CACNA2D3: variants seen among roughly 807,000 people sequenced by gnomAD.
CACNA2D3 encodes the protein calcium voltage-gated channel auxiliary subunit alpha2delta 3, also known as voltage-dependent calcium channel subunit alpha-2/delta-3.
CACNA2D3 carries 60 observed loss-of-function variants against 160.6 expected under a neutral mutation model. That is an observed-to-expected ratio of 0.37 (90% CI 0.30 to 0.46). The LOEUF (loss-of-function observed/expected upper bound fraction) is 0.46, where lower values mean the gene tolerates loss of function less well. Ranked by LOEUF, CACNA2D3 falls within the 20% of genes least tolerant of loss-of-function variation. The probability of loss-of-function intolerance (pLI) is 1.00; values close to 1 mark genes in which losing one functional copy is unlikely to be tolerated. For synonymous variants in CACNA2D3, 558 were observed against 492.9 expected, an observed-to-expected ratio of 1.13 and a Z score of -1.75; for missense variants, 1,205 against 1,365.0, an observed-to-expected ratio of 0.88 and a Z score of 1.85.
chr3:54,682,352 C>T (rs753167263), intron 11 of CACNA2D3, among the ~76,000 whole-genome samples: 32 of 152,190 alleles, frequency 2.1e-4, no homozygotes, highest in Middle Eastern at 3.4e-3. Flanking sequence ...TTAGCCCGGG[C>T]GTGGTGGCTC....
At chr3:55,050,316 C>T (rs1704170949) in intron 35 of CACNA2D3, among the ~76,000 whole-genome samples, 1 of 151,920 alleles carries the variant, frequency 6.6e-6, no homozygotes, top group Admixed American at 6.5e-5. Context: ...CAGAATCTCT[C>T]AGCATTTGCT....
At chr3:54,450,395 A>G (rs1194045192) in intron 4 of CACNA2D3, among the ~76,000 whole-genome samples, 2 of 152,086 alleles carry the variant, frequency 1.3e-5, no homozygotes, top group African/African-American at 2.4e-5. Context: ...CCATTCCAGC[A>G]TCGACTCTTA....
intron 4 of CACNA2D3, among the ~76,000 whole-genome samples, chr3:54,493,947 A>G (rs1226168289): frequency 6.6e-6 from 1 of 152,216 alleles, no homozygotes; most frequent in African/African-American, 2.4e-5. Context: ...CCCCTGCCCT[A>G]TTGAATAACT....
intron 2 of CACNA2D3, among the ~76,000 whole-genome samples, chr3:54,302,500 G>C (rs757143806): frequency 1.3e-5 from 2 of 152,166 alleles, no homozygotes; most frequent in Non-Finnish European, 2.9e-5. Flanking sequence ...AGAGCGCTTG[G>C]TGGATCCTCT....
At chr3:54,618,352 C>CACATAT (rs1553752928) in intron 9 of CACNA2D3, among the ~76,000 whole-genome samples, 2 of 119,890 alleles carry the variant, frequency 1.7e-5, no homozygotes, top group African/African-American at 6.4e-5. Context: ...TTGATACATA[C>CACATAT]ATATATATAT....
intron 3 of CACNA2D3, among the ~76,000 whole-genome samples, chr3:54,337,436 G>C (rs1704410531): frequency 6.6e-6 from 1 of 152,164 alleles, no homozygotes; most frequent in Non-Finnish European, 1.5e-5. Context: ...TGACATTGCT[G>C]CACAGCCTTC....
intron 5 of CACNA2D3, among the ~76,000 whole-genome samples, chr3:54,534,979 C>A (rs1701865346): frequency 6.6e-6 from 1 of 152,128 alleles, no homozygotes; most frequent in African/African-American, 2.4e-5. Context: ...TCCGTCATTC[C>A]CAATTCTTCT....
chr3:54,202,565 G>A (rs1005702003), intron 2 of CACNA2D3, among the ~76,000 whole-genome samples: 2 of 152,144 alleles, frequency 1.3e-5, no homozygotes, highest in African/African-American at 4.8e-5. Flanking sequence ...AGTGCTTGTG[G>A]TCTATTTACT....
At chr3:54,543,589 G>T (rs1702016755) in intron 5 of CACNA2D3, among the ~76,000 whole-genome samples, 1 of 152,146 alleles carries the variant, frequency 6.6e-6, no homozygotes, top group African/African-American at 2.4e-5. Context: ...CTCCTGCCAT[G>T]TCGCGGCTGA....
intron 11 of CACNA2D3, among the ~76,000 whole-genome samples, chr3:54,731,417 A>T (rs922218268): frequency 6.6e-6 from 1 of 151,974 alleles, no homozygotes; most frequent in Non-Finnish European, 1.5e-5. Context: ...TAAAGACTCT[A>T]TGTACCCCAA....
intron 13 of CACNA2D3, among the ~76,000 whole-genome samples, chr3:54,791,035 T>A (rs920190854): frequency 3.0e-5 from 2 of 66,770 alleles, no homozygotes; most frequent in African/African-American, 1.7e-4. Context: ...TGGCACCTTC[T>A]TTGTATTTTT....
chr3:54,736,121 A>ATATATATATG (rs1559563815), intron 11 of CACNA2D3, among the ~76,000 whole-genome samples: 1 of 46,068 alleles, frequency 2.2e-5, no homozygotes, highest in African/African-American at 1.5e-4. Context: ...ATATATATAC[A>ATATATATATG]TATATATATG....
chr3:54,408,315 A>G (rs1482640304), intron 4 of CACNA2D3, among the ~76,000 whole-genome samples: 1 of 152,158 alleles, frequency 6.6e-6, no homozygotes, highest in African/African-American at 2.4e-5. Flanking sequence ...CAGAGAACAC[A>G]TAATATCGTA....
chr3:54,285,258 A>G (rs1702984345), intron 2 of CACNA2D3, among the ~76,000 whole-genome samples: 1 of 152,172 alleles, frequency 6.6e-6, no homozygotes, highest in African/African-American at 2.4e-5. Context: ...AACGGGCTTA[A>G]AAAACGGCAC....
chr3:55,033,838 T>TA (rs1234472446), intron 35 of CACNA2D3, among the ~76,000 whole-genome samples: 2 of 116,544 alleles, frequency 1.7e-5, no homozygotes, highest in African/African-American at 7.0e-5. Flanking sequence ...TAATATATAA[T>TA]ATATATTACA....
chr3:54,407,625 T>C (rs910199657), intron 4 of CACNA2D3, among the ~76,000 whole-genome samples: 6 of 152,218 alleles, frequency 3.9e-5, no homozygotes, highest in Admixed American at 3.9e-4. Context: ...CACTATCATT[T>C]CATTTGAGTA....
At chr3:54,220,816 A>G (rs1701553830) in intron 2 of CACNA2D3, among the ~76,000 whole-genome samples, 1 of 152,134 alleles carries the variant, frequency 6.6e-6, no homozygotes, top group Non-Finnish European at 1.5e-5. Flanking sequence ...CTGCTCAGCT[A>G]TGCTGCTGAG....
At chr3:54,485,825 A>G (rs1407720526) in intron 4 of CACNA2D3, among the ~76,000 whole-genome samples, 17 of 152,206 alleles carry the variant, frequency 1.1e-4, no homozygotes. Context: ...TGGCCTCCCA[A>G]AGTTCTGGGA....
intron 31 of CACNA2D3, among the ~76,000 whole-genome samples, chr3:54,988,550 T>C (rs957949776): frequency 3.3e-5 from 5 of 152,202 alleles, no homozygotes; most frequent in Non-Finnish European, 7.3e-5. Flanking sequence ...GCATATTTGA[T>C]GCTGTTAAAT....
Sources: allele counts gnomAD v4.1 joint callset (sites outside exome capture counted in the v4.1 genomes callset), GRCh38; gene constraint gnomAD v4.1.1; transcripts MANE v1.5; gene names NCBI Gene and HGNC (gene_info 2026-07-23, HGNC 2026-07-21).